RORA: variants seen among roughly 807,000 people sequenced by gnomAD.
RORA encodes the protein RAR related orphan receptor A.
In RORA, 7 loss-of-function variants were observed where a neutral mutation model predicts 69.5. The observed-to-expected ratio is 0.10, with a 90% CI of 0.06 to 0.19. The LOEUF is 0.19. RORA is among the 10% of genes least tolerant of loss of function. The pLI is 1.00. For synonymous variants in RORA, 261 were observed against 240.8 expected (o/e 1.08, Z -0.78); for missense variants, 457 against 663.0 (o/e 0.69, Z 3.41).
chr15:61,096,331 G>A (rs2078789697), intron 1 of RORA, among the ~76,000 whole-genome samples: 2 of 152,142 alleles, frequency 1.3e-5, no homozygotes, highest in African/African-American at 4.8e-5. Flanking sequence ...AGTGCAGCAT[G>A]GGGCAAATCC....
At chr15:61,161,933 G>A (rs912925958) in intron 1 of RORA, among the ~76,000 whole-genome samples, 9 of 152,082 alleles carry the variant, frequency 5.9e-5, no homozygotes, top group African/African-American at 1.7e-4. Flanking sequence ...TGAAAATCAC[G>A]TTTTTGAGCC....
intron 1 of RORA, among the ~76,000 whole-genome samples, chr15:60,915,391 G>A (rs76858695): frequency 2.6e-5 from 4 of 152,172 alleles, no homozygotes; most frequent in African/African-American, 9.7e-5. Context: ...GATTCCACTG[G>A]GGGGGCACAG....
chr15:60,890,439 A>G (rs2073800991), intron 1 of RORA, among the ~76,000 whole-genome samples: 1 of 152,212 alleles, frequency 6.6e-6, no homozygotes, highest in Non-Finnish European at 1.5e-5. Flanking sequence ...TGTCCACACC[A>G]TCTCCGCTTT....
intron 2 of RORA, chr15:60,558,150 G>A (rs139830117): frequency 2.8e-6 from 3 of 1,066,872 alleles, no homozygotes; most frequent in Non-Finnish European, 4.2e-6. Context: ...GGAAAGGGAG[G>A]CAAACACAAG....
chr15:60,760,951 G>T (rs2071877992), intron 1 of RORA, among the ~76,000 whole-genome samples: 2 of 152,076 alleles, frequency 1.3e-5, no homozygotes, highest in South Asian at 4.2e-4. Flanking sequence ...ATAAAAAGTG[G>T]TCAAATATCA....
intron 1 of RORA, among the ~76,000 whole-genome samples, chr15:60,692,930 C>T (rs769612100): frequency 2.0e-5 from 3 of 152,130 alleles, no homozygotes; most frequent in Admixed American, 1.3e-4. Flanking sequence ...AAAAGAGGGA[C>T]TCCTCCCTAA....
chr15:60,824,711 G>A (rs2072935308), intron 1 of RORA, among the ~76,000 whole-genome samples: 1 of 152,230 alleles, frequency 6.6e-6, no homozygotes, highest in African/African-American at 2.4e-5. Context: ...AAGATTAAGT[G>A]AGGTGATTTT....
At position 60,797,585 on chromosome 15, in the gene RORA, A is replaced by C. The variant is rs2072516304; in HGVS notation, c.167-118899T>G. Among the ~76,000 whole-genome samples, 7 of 152,202 alleles carry C rather than the reference A, an allele frequency of 4.6e-5. No individual in the cohort carries two copies. In the South Asian group the frequency reaches 1.5e-3, roughly 32 times the overall value. ...AATTAGTTCTGGCAGAGTTTACAGA[A>C]AAACACCCATGAGATGAGACTGAAT... On this transcript the variant is annotated intron_variant, in intron 1 of 10. Coordinates refer to ENST00000335670, the MANE Select transcript of RORA (RefSeq NM_134261.3).
chr15:61,068,452 G>T (rs1332132751), intron 1 of RORA, among the ~76,000 whole-genome samples: 2 of 152,148 alleles, frequency 1.3e-5, no homozygotes, highest in African/African-American at 2.4e-5. Flanking sequence ...TTGATGGAAG[G>T]AAATAGCTGG....
chr15:61,003,422 C>T (rs1337361990), intron 1 of RORA, among the ~76,000 whole-genome samples: 1 of 152,048 alleles, frequency 6.6e-6, no homozygotes, highest in Non-Finnish European at 1.5e-5. Flanking sequence ...GTTTTTTGTT[C>T]TCAGCTGGCA....
chr15:60,814,394 T>C lies in RORA; in HGVS notation c.167-135708A>G, dbSNP rs185049210. On this transcript the variant is annotated intron_variant, in intron 1 of 10. Transcript: ENST00000335670. Reference sequence around the variant, plus strand: ...GGGATCTATGGTATCTTTTTCTCTTTCCAGATGGAGCTTCCTGAGGGTAGG... The same window carrying C: ...GGGATCTATGGTATCTTTTTCTCTTCCCAGATGGAGCTTCCTGAGGGTAGG... Among the ~76,000 whole-genome samples, 261 of 152,286 alleles carry C rather than the reference T, an allele frequency of 1.7e-3. 6 individuals are homozygous for C. In the East Asian group the frequency reaches 0.022, roughly 13 times the overall value.
intron 1 of RORA, among the ~76,000 whole-genome samples, chr15:61,225,845 G>A (rs1037743944): frequency 6.6e-6 from 1 of 152,028 alleles, no homozygotes; most frequent in Non-Finnish European, 1.5e-5. Context: ...TTTTTTTTCC[G>A]CTTCATTCCT....
chr15:60,581,494 A>G (rs187347819), intron 2 of RORA, among the ~76,000 whole-genome samples: 2 of 152,348 alleles, frequency 1.3e-5, no homozygotes, highest in Non-Finnish European at 2.9e-5. Context: ...TCTTGTGTCT[A>G]GGGCAAACGT....
intron 1 of RORA, among the ~76,000 whole-genome samples, chr15:61,139,088 G>A (rs1480071177): frequency 6.6e-6 from 1 of 151,902 alleles, no homozygotes; most frequent in African/African-American, 2.4e-5. Flanking sequence ...AGCTTGCAGT[G>A]AGCCAAGATC....
intron 1 of RORA, among the ~76,000 whole-genome samples, chr15:61,133,682 T>G (rs2079212116): frequency 6.6e-6 from 1 of 152,170 alleles, no homozygotes; most frequent in Non-Finnish European, 1.5e-5. Flanking sequence ...CCCCATGAAC[T>G]TACCTTCTCT....
rs575445929 is a variant in RORA, at chr15:60,750,514, C to G, written c.167-71828G>C. On this transcript the variant is annotated intron_variant, in intron 1 of 10. Coordinates refer to ENST00000335670, the MANE Select transcript of RORA (RefSeq NM_134261.3). ...TGTCCCAGATGCTACCGTGTTCAAC[C>G]TTGTCTGAGTCTGGTGACCAAACCT... Among the ~76,000 whole-genome samples, 6 of 152,274 alleles carry G rather than the reference C, an allele frequency of 3.9e-5. No individual in the cohort carries two copies. In the East Asian group the frequency reaches 7.7e-4, roughly 20 times the overall value.
intron 1 of RORA, among the ~76,000 whole-genome samples, chr15:60,955,845 A>G (rs565049158): frequency 6.6e-6 from 1 of 152,164 alleles, no homozygotes; most frequent in South Asian, 2.1e-4. Context: ...TAGTTTATCC[A>G]TTTTGTGTAT....
chr15:60,506,953 C>T (rs1353195560), intron 5 of RORA, among the ~76,000 whole-genome samples: 1 of 151,714 alleles, frequency 6.6e-6, no homozygotes, highest in African/African-American at 2.4e-5. Context: ...CACCACTGCA[C>T]TCCAGCCTGG....
chr15:60,852,555 G>A (rs564840644), intron 1 of RORA, among the ~76,000 whole-genome samples: 7 of 152,294 alleles, frequency 4.6e-5, no homozygotes, highest in South Asian at 4.1e-4. Context: ...AGTCAGCTTC[G>A]CTTTGACAAG....
Sources: allele counts gnomAD v4.1 joint callset (sites outside exome capture counted in the v4.1 genomes callset), GRCh38; gene constraint gnomAD v4.1.1; transcripts MANE v1.5; gene names NCBI Gene and HGNC (gene_info 2026-07-23, HGNC 2026-07-21).